The following LCTL variants were observed in gnomAD, a reference collection of about 807,000 sequenced individuals.
The protein encoded by LCTL is lactase like.
A neutral mutation model predicts 75.8 loss-of-function variants in LCTL; 76 were observed. The ratio of observed to expected loss-of-function variants is 1.00; its 90% CI spans 0.83 to 1.21. The LOEUF is 1.21. Ranked by LOEUF, LCTL falls within the 50% of genes most tolerant of loss-of-function variation. The pLI is 0.00. For missense variants in LCTL, 670 were observed against 712.4 expected, an observed-to-expected ratio of 0.94 and a Z score of 0.68; for synonymous variants, 271 against 268.8, an observed-to-expected ratio of 1.01 and a Z score of -0.08.
exon 6 of LCTL, chr15:66,561,022 G>T (rs1334605104): frequency 6.2e-7 from 1 of 1,614,070 alleles, no homozygotes; most frequent in Non-Finnish European, 8.5e-7. Flanking sequence ...GATGTGGTGT[G>T]CTGCCTTGTA....
intron 3 of LCTL, 59 bp downstream of exon 4, chr15:66,563,852 A>G: frequency 1.4e-6 from 2 of 1,387,840 alleles, no homozygotes; most frequent in Non-Finnish European, 2.1e-6. Flanking sequence ...GTGCCCCTGC[A>G]AAGCCAACAT....
intron 12 of LCTL, chr15:66,548,899 G>C (rs1895487307): frequency 5.7e-6 from 1 of 176,224 alleles, no homozygotes; most frequent in Middle Eastern, 2.3e-3. Context: ...ATTCATCTCA[G>C]AATATTAGCA....
intron 11 of LCTL, 114 bp from the exon 13 acceptor site, chr15:66,550,218 A>G (rs1276987794): frequency 3.1e-6 from 2 of 637,272 alleles, no homozygotes; most frequent in Non-Finnish European, 5.5e-6. Context: ...ATCTATCTGT[A>G]GTTTATGTTT....
chr15:66,560,946 C>T, intron 6 of LCTL, 60 bp downstream of exon 7: 3 of 1,507,986 alleles, frequency 2.0e-6, no homozygotes, highest in East Asian at 4.5e-5. Flanking sequence ...CAGGCTAGAG[C>T]CCCTGGGGCA....
At chr15:66,564,466 A>G (rs1343232502) in intron 2 of LCTL, 2 of 564,554 alleles carry the variant, frequency 3.5e-6, no homozygotes, top group Non-Finnish European at 6.2e-6. Context: ...TTCCTCCTAC[A>G]TCCACCTCAC....
chr15:66,562,833 C>T (rs1480101738), intron 4 of LCTL, among the ~76,000 whole-genome samples: 2 of 152,334 alleles, frequency 1.3e-5, no homozygotes, highest in African/African-American at 4.8e-5. Context: ...ATCCACCCAC[C>T]TCGGCCCCCC....
chr15:66,565,223 CA>C (rs768084003), intron 1 of LCTL, 24 bp downstream of exon 2: 1 of 1,477,154 alleles, frequency 6.8e-7, no homozygotes, highest in South Asian at 1.1e-5. Context: ...GACAGGCAGA[CA>C]GACGAACAGA....
exon 13 of LCTL, chr15:66,548,112 G>C (rs1378835918): frequency 1.9e-5 from 3 of 160,472 alleles, no homozygotes; most frequent in African/African-American, 7.2e-5. Context: ...ATCAGGTATG[G>C]GACAGTGCTG....
chr15:66,557,916 G>T, intron 7 of LCTL, 33 bp from the exon 9 acceptor site: 1 of 1,611,996 alleles, frequency 6.2e-7, no homozygotes, highest in Non-Finnish European at 8.5e-7. Flanking sequence ...GGAGTGGGGA[G>T]TGGGCATGCC....
chr15:66,561,295 A>G (rs755180844), exon 5 of LCTL: 27 of 1,614,176 alleles, frequency 1.7e-5, no homozygotes, highest in East Asian at 1.1e-4. Flanking sequence ...TCTGCCACCC[A>G]CCGTATTTGA....
chr15:66,551,772 C>T, exon 11 of LCTL: 1 of 1,613,362 alleles, frequency 6.2e-7, no homozygotes, highest in Non-Finnish European at 8.5e-7. Context: ...TAGTAGAATC[C>T]ATATCTATCT....
intron 2 of LCTL, 52 bp from the exon 4 acceptor site, chr15:66,564,050 G>C (rs377707500): frequency 1.2e-5 from 15 of 1,224,512 alleles, no homozygotes; most frequent in Non-Finnish European, 1.8e-5. Flanking sequence ...GGTATGGGAG[G>C]TAGGGGTCCA....
chr15:66,556,426 TC>T (rs949474352), intron 8 of LCTL, among the ~76,000 whole-genome samples: 43 of 152,136 alleles, frequency 2.8e-4, no homozygotes, highest in Admixed American at 6.5e-5. Context: ...TGCCTCAGCC[TC>T]CCAAGTAGTT....
At chr15:66,560,347 C>T (rs1895856122) in intron 6 of LCTL, among the ~76,000 whole-genome samples, 2 of 152,080 alleles carry the variant, frequency 1.3e-5, no homozygotes, top group Admixed American at 6.6e-5. Context: ...TGTAATGTGA[C>T]CCAATTCCTT....
At chr15:66,548,298 TG>T (rs900580757) in exon 13 of LCTL, 80 of 402,198 alleles carry the variant, frequency 2.0e-4, no homozygotes, top group Non-Finnish European at 3.4e-4. Context: ...AGATTACAAG[TG>T]TTTTTTTTTT....
At position 66,548,555 on chromosome 15, in the gene LCTL, CAG is replaced by C; in HGVS notation, c.1637_1638del (p.Thr546SerfsTer77). 3 of 1,613,740 alleles carry C rather than the reference CAG, an allele frequency of 1.9e-6. No individual in the cohort carries two copies. The highest frequency in any genetic ancestry group is 2.5e-6 in the Non-Finnish European group (3 of 1,179,656). On this transcript the variant is annotated frameshift_variant, in exon 13 of 13. Transcript: ENST00000341509. LOFTEE classifies it low-confidence loss of function (END_TRUNC). ...GTGATGAGGACACAGAGGGAGCAGA[CAG>C]TGGGTACCACGATCTCCGTAACCAT... is the stretch of plus-strand genomic sequence containing the variant.
chr15:66,548,333 C>A, exon 13 of LCTL: 2 of 399,168 alleles, frequency 5.0e-6, no homozygotes, highest in East Asian at 3.6e-5. Context: ...TTTTTATTTT[C>A]TAATTCTTAA....
intron 2 of LCTL, 31 bp downstream of exon 3, chr15:66,564,645 G>C: frequency 6.3e-7 from 1 of 1,577,608 alleles, no homozygotes; most frequent in African/African-American, 1.4e-5. Context: ...GCACGCGCGC[G>C]CACACACACA....
chr15:66,557,768 G>A (rs780316006), exon 8 of LCTL: 3 of 1,614,012 alleles, frequency 1.9e-6, no homozygotes, highest in Admixed American at 1.7e-5. Flanking sequence ...CATAAATGGG[G>A]TTGGCAAACC....
Sources: allele counts gnomAD v4.1 joint callset (sites outside exome capture counted in the v4.1 genomes callset), GRCh38; gene constraint gnomAD v4.1.1; transcripts MANE v1.5; gene names NCBI Gene and HGNC (gene_info 2026-07-23, HGNC 2026-07-21).